MBD5: variants seen among roughly 807,000 people sequenced by gnomAD.
The protein encoded by MBD5 is methyl-CpG binding domain protein 5.
In MBD5, 13 loss-of-function variants were observed where a neutral mutation model predicts 117.3. That is an observed-to-expected ratio of 0.11 (90% CI 0.07 to 0.18). MBD5 has a LOEUF of 0.18. Among genes scored for constraint, MBD5 ranks in the 10% least tolerant of loss-of-function variants. The probability of loss-of-function intolerance (pLI) is 1.00; values close to 1 mark genes in which losing one functional copy is unlikely to be tolerated. For missense variants in MBD5, 1,879 were observed against 2,093.8 expected (o/e 0.90, Z 2.00); for synonymous variants, 727 against 766.4 (o/e 0.95, Z 0.85).
intron 3 of MBD5, among the ~76,000 whole-genome samples, chr2:148,246,266 A>G (rs1380195655): frequency 6.6e-6 from 1 of 152,188 alleles, no homozygotes; most frequent in Non-Finnish European, 1.5e-5. Flanking sequence ...TGGGATTTGT[A>G]TATATCGGAA....
chr2:148,506,826 T>C (rs544425672), intron 12 of MBD5, among the ~76,000 whole-genome samples: 1 of 152,282 alleles, frequency 6.6e-6, no homozygotes, highest in Non-Finnish European at 1.5e-5. Context: ...GAATAGAAAA[T>C]AGTAGAAGAA....
intron 3 of MBD5, among the ~76,000 whole-genome samples, chr2:148,282,627 C>G (rs1205244278): frequency 6.6e-6 from 1 of 151,676 alleles, no homozygotes; most frequent in Non-Finnish European, 1.5e-5. Context: ...TTAGCCATTA[C>G]TCGTACAGTG....
intron 3 of MBD5, among the ~76,000 whole-genome samples, chr2:148,277,444 G>A (rs560580609): frequency 2.0e-5 from 3 of 152,088 alleles, no homozygotes; most frequent in Non-Finnish European, 4.4e-5. Flanking sequence ...TGTATAAATT[G>A]TTCAGTTCAT....
intron 11 of MBD5, among the ~76,000 whole-genome samples, chr2:148,491,433 GATT>G (rs945315514): frequency 2.0e-5 from 3 of 151,320 alleles, no homozygotes; most frequent in African/African-American, 7.3e-5. Flanking sequence ...TCCCCCATAT[GATT>G]AAAAACGTAT....
At chr2:148,416,912 C>A (rs1705436558) in intron 4 of MBD5, among the ~76,000 whole-genome samples, 2 of 152,124 alleles carry the variant, frequency 1.3e-5, no homozygotes, top group African/African-American at 4.8e-5. Context: ...AGAATAATCA[C>A]CTCCAGTTCC....
chr2:148,512,492 G>A (rs927915667), intron 13 of MBD5, among the ~76,000 whole-genome samples: 1 of 152,174 alleles, frequency 6.6e-6, no homozygotes, highest in Non-Finnish European at 1.5e-5. Context: ...ATTCTTCCAG[G>A]CTGTAGTGAA....
chr2:148,211,738 G>C (rs1363329117), intron 2 of MBD5, among the ~76,000 whole-genome samples: 1 of 151,962 alleles, frequency 6.6e-6, no homozygotes, highest in Non-Finnish European at 1.5e-5. Context: ...ATGTTCACGA[G>C]ATAAAAAAAT....
At chr2:148,090,074 T>C (rs1383984144) in intron 1 of MBD5, among the ~76,000 whole-genome samples, 1 of 151,680 alleles carries the variant, frequency 6.6e-6, no homozygotes, top group Non-Finnish European at 1.5e-5. Flanking sequence ...ACGCACAAAA[T>C]AGAAAATCTG....
At chr2:148,024,026 C>G (rs1693835432) in intron 1 of MBD5, among the ~76,000 whole-genome samples, 2 of 152,090 alleles carry the variant, frequency 1.3e-5, no homozygotes, top group South Asian at 4.2e-4. Flanking sequence ...CTGGAAGTGA[C>G]AGAGCAGGGA....
chr2:148,278,288 G>T (rs754584866), intron 3 of MBD5, among the ~76,000 whole-genome samples: 50 of 152,142 alleles, frequency 3.3e-4, no homozygotes, highest in African/African-American at 3.9e-4. Context: ...GAGGTTTAGT[G>T]TGTGATCTGT....
intron 1 of MBD5, among the ~76,000 whole-genome samples, chr2:148,136,316 C>CT (rs1333340351): frequency 6.6e-6 from 1 of 151,818 alleles, no homozygotes; most frequent in Non-Finnish European, 1.5e-5. Flanking sequence ...AATTTATAAT[C>CT]TGGGGGGTAG....
At chr2:148,355,539 C>T (rs771108529) in intron 4 of MBD5, among the ~76,000 whole-genome samples, 25 of 152,060 alleles carry the variant, frequency 1.6e-4, no homozygotes, top group Non-Finnish European at 2.9e-4. Flanking sequence ...AATAGGGGAT[C>T]CTTTCCCCAT....
At chr2:148,327,826 CCTT>C (rs2105011077) in intron 3 of MBD5, among the ~76,000 whole-genome samples, 1 of 152,316 alleles carries the variant, frequency 6.6e-6, no homozygotes, top group South Asian at 2.1e-4. Context: ...TCGTCTGAAG[CCTT>C]CTTCTCTCAG....
At chr2:148,081,320 A>G (rs1213831119) in intron 1 of MBD5, among the ~76,000 whole-genome samples, 6 of 152,184 alleles carry the variant, frequency 3.9e-5, no homozygotes, top group Admixed American at 3.9e-4. Context: ...TCTGGGAGAA[A>G]GTAGGAGCTT....
intron 4 of MBD5, among the ~76,000 whole-genome samples, chr2:148,388,673 G>A (rs539495424): frequency 6.6e-6 from 1 of 152,214 alleles, no homozygotes; most frequent in South Asian, 2.1e-4. Flanking sequence ...TTCTGCTGAG[G>A]CCTCGCTCCT....
rs1263892177 is a variant in MBD5, at chr2:148,339,435, T to C, written c.-679-2779T>C. ...CAGGAATTTTCATCATCTCTGACTA[T>C]GTTTTCCACATTTCTTCTCAAAGTA... On this transcript the variant is annotated intron_variant, in intron 3 of 13. Coordinates refer to ENST00000642680, the MANE Select transcript of MBD5 (RefSeq NM_001378120.1). 3.9e-5 allele frequency among the ~76,000 whole-genome samples: 6 copies of C among 152,158 alleles called. No individual in the cohort carries two copies. The South Asian group carries it at 1.0e-3, about 26-fold the overall frequency.
rs183087961 is a variant in MBD5 at position 148,065,554 on chromosome 2, A to G, written c.-925+43870A>G. ...ATTTGAAATCATCATTCAACAAAAT[A>G]TGTCAAAAAAATCAAACTCAGAAAA... is the stretch of plus-strand genomic sequence containing the variant. On this transcript the variant is annotated intron_variant, in intron 1 of 13. Transcript: ENST00000642680. Among the ~76,000 whole-genome samples the G allele has an allele frequency of 5.3e-5, 8 of 152,334 alleles. No individual in the cohort carries two copies. In the East Asian group the frequency reaches 1.5e-3, roughly 29 times the overall value.
chr2:148,105,154 A>T lies in MBD5; in HGVS notation c.-924-73546A>T, dbSNP rs78779884. Among the ~76,000 whole-genome samples the T allele has an allele frequency of 5.6e-4, 83 of 149,126 alleles. 1 individual carries two copies. In the East Asian group the frequency reaches 0.014, roughly 26 times the overall value. On this transcript the variant is annotated intron_variant, in intron 1 of 13. Transcript: ENST00000642680. The stretch of plus-strand genomic sequence containing the variant: ...TATATTGGCATGAATTTCTTTTAAT[A>T]TTTTCTTATTATCTGTTTAATGTCT...
chr2:148,108,868 C>T (rs1205630593), intron 1 of MBD5, among the ~76,000 whole-genome samples: 1 of 152,100 alleles, frequency 6.6e-6, no homozygotes, highest in Non-Finnish European at 1.5e-5. Context: ...GGACAAAGAA[C>T]ATATGTAGAC....
Sources: allele counts gnomAD v4.1 joint callset (sites outside exome capture counted in the v4.1 genomes callset), GRCh38; gene constraint gnomAD v4.1.1; transcripts MANE v1.5; gene names NCBI Gene and HGNC (gene_info 2026-07-23, HGNC 2026-07-21).